The following BANP variants were observed in gnomAD, a reference collection of about 807,000 sequenced individuals.
BANP encodes BTG3 associated nuclear protein, also known as protein BANP.
A neutral mutation model predicts 68.1 loss-of-function variants in BANP; 11 were observed. That is an observed-to-expected ratio of 0.16 (90% CI 0.10 to 0.27). The LOEUF (loss-of-function observed/expected upper bound fraction) is 0.27. BANP is among the 10% of genes least tolerant of loss of function. The pLI is 1.00. For synonymous variants in BANP, 329 were observed against 303.2 expected (o/e 1.09, Z -0.88); for missense variants, 504 against 722.7 (o/e 0.70, Z 3.47).
In BANP at chr16:87,957,467, T is replaced by G. The variant is rs139840789; in HGVS notation, c.-69+5952T>G. Among the ~76,000 whole-genome samples, 760 of 152,242 alleles carry G rather than the reference T, an allele frequency of 5.0e-3. 2 individuals are homozygous for G. Among genetic ancestry groups the G allele is most frequent in the African/African-American group, 0.015 (607 of 41,536 alleles). On this transcript the variant is annotated intron_variant, in intron 1 of 13. Coordinates refer to ENST00000682872, the MANE Select transcript of BANP (RefSeq NM_001386991.1). This position sits in a 1 kb window ranked among gnomAD's most constrained non-coding sequence, Gnocchi z 4.3. ...CGGATCCTGTGTGGACCGGGTGGGC[T>G]GGTGTGGAGTCCTGTCAGGAGACCT...
At chr16:87,974,133 A>G (rs1349432929) in intron 1 of BANP, among the ~76,000 whole-genome samples, 2 of 152,246 alleles carry the variant, frequency 1.3e-5, no homozygotes, top group African/African-American at 4.8e-5. Flanking sequence ...TTATGTGTCA[A>G]TAATTAAAAT....
chr16:87,982,566 G>A (rs954639592), intron 3 of BANP: 1 of 152,270 alleles, frequency 6.6e-6, no homozygotes, highest in Non-Finnish European at 1.5e-5. Context: ...TAGGTAAGCT[G>A]ATTGAGTGTC....
rs2082534778 is a variant in BANP at position 88,048,593 on chromosome 16, T to G, written c.1311+10582T>G. ...CAGATTAAAGAAAGGGCATCGATTC[T>G]AACAGTGTTCTCGGTATTAAATCTG... On this transcript the variant is annotated intron_variant, in intron 11 of 13. Coordinates refer to ENST00000682872, the MANE Select transcript of BANP (RefSeq NM_001386991.1). 3.3e-5 allele frequency among the ~76,000 whole-genome samples: 5 copies of G among 152,102 alleles called. 1 individual carries two copies. Among genetic ancestry groups the G allele is most frequent in the Non-Finnish European group, 7.4e-5 (5 of 68,022 alleles).
chr16:88,058,210 T>A (rs2085656130), intron 11 of BANP, among the ~76,000 whole-genome samples: 1 of 152,150 alleles, frequency 6.6e-6, no homozygotes, highest in South Asian at 2.1e-4. Flanking sequence ...GAGAAGCTTT[T>A]GTTTTTTGAC....
chr16:87,980,962 T>C, intron 2 of BANP, 74 bp from the exon 3 acceptor site: 1 of 1,021,578 alleles, frequency 9.8e-7, no homozygotes, highest in Non-Finnish European at 1.5e-6. Context: ...CAGCACTGTT[T>C]ACTATCTTAA....
rs147825661 is a variant in BANP at position 87,958,283 on chromosome 16, T to C, written c.-69+6768T>C. Among the ~76,000 whole-genome samples, 505 of 152,232 alleles carry C rather than the reference T, an allele frequency of 3.3e-3. 1 individual carries two copies. Among genetic ancestry groups the C allele is most frequent in the African/African-American group, 0.012 (486 of 41,542 alleles). Reference sequence around the variant, plus strand: ...TGGGTCTGAACCCACATCAATTGAGTGGGCCATGGCCAGTGTTAAGAATAC... The same window carrying C: ...TGGGTCTGAACCCACATCAATTGAGCGGGCCATGGCCAGTGTTAAGAATAC... On this transcript the variant is annotated intron_variant, in intron 1 of 13. Coordinates refer to ENST00000682872, the MANE Select transcript of BANP (RefSeq NM_001386991.1).
chr16:87,976,192 A>G (rs547682480), intron 2 of BANP, among the ~76,000 whole-genome samples: 20 of 152,374 alleles, frequency 1.3e-4, no homozygotes, highest in African/African-American at 4.8e-4. Flanking sequence ...ATAAGTTCCT[A>G]GAAGTAGAAT....
intron 11 of BANP, among the ~76,000 whole-genome samples, chr16:88,038,247 C>A (rs113007783): frequency 0.14 from 20,974 of 152,052 alleles, 1,671 homozygotes; most frequent in South Asian, 0.37. Context: ...TGCCACAGTC[C>A]CCCTCTCACA....
chr16:88,027,116 G>A (rs1360761516), intron 7 of BANP, among the ~76,000 whole-genome samples: 3 of 152,262 alleles, frequency 2.0e-5, no homozygotes, highest in Non-Finnish European at 2.9e-5. Context: ...AGGACCTTGG[G>A]TGCTGCTGTG....
intron 2 of BANP, among the ~76,000 whole-genome samples, chr16:87,979,944 C>G (rs2062938715): frequency 6.6e-6 from 1 of 152,108 alleles, no homozygotes; most frequent in African/African-American, 2.4e-5. Context: ...AAAACAAAAA[C>G]AAAAACCAAA....
At chr16:88,011,806 C>T (rs1052586479) in intron 6 of BANP, among the ~76,000 whole-genome samples, 3 of 152,134 alleles carry the variant, frequency 2.0e-5, no homozygotes, top group Admixed American at 6.5e-5. Flanking sequence ...AGGGTACCCC[C>T]CCTCTTCCTC....
intron 4 of BANP, among the ~76,000 whole-genome samples, chr16:87,985,091 G>A (rs2064074029): frequency 6.6e-6 from 1 of 152,186 alleles, no homozygotes; most frequent in African/African-American, 2.4e-5. Flanking sequence ...AAGCCTGGAG[G>A]GACTGTTGTG....
At chr16:88,032,627 TA>T (rs1352437768) in intron 8 of BANP, among the ~76,000 whole-genome samples, 1 of 152,256 alleles carries the variant, frequency 6.6e-6, no homozygotes, top group Admixed American at 6.5e-5. Flanking sequence ...TTAAGAAAAT[TA>T]TGATTGAGAC....
intron 11 of BANP, among the ~76,000 whole-genome samples, chr16:88,062,639 A>G (rs1487773014): frequency 6.6e-6 from 1 of 152,194 alleles, no homozygotes; most frequent in Non-Finnish European, 1.5e-5. Flanking sequence ...GTTCAGCCGC[A>G]GGCCAGTGTC....
chr16:87,952,597 C>T (rs1460633985), intron 1 of BANP: 1 of 152,174 alleles, frequency 6.6e-6, no homozygotes. Context: ...TCTGAGTAAG[C>T]TCAGGAAACG....
intron 6 of BANP, 32 bp downstream of exon 6, chr16:88,006,297 C>T (rs779973858): frequency 1.7e-5 from 27 of 1,554,044 alleles, no homozygotes; most frequent in Admixed American, 5.8e-5. Context: ...TCGGCCAGAG[C>T]GCCAGTACAA....
intron 11 of BANP, among the ~76,000 whole-genome samples, chr16:88,046,078 G>C (rs184153047): frequency 6.6e-6 from 1 of 152,360 alleles, no homozygotes; most frequent in African/African-American, 2.4e-5. Flanking sequence ...CTGGTGCCCA[G>C]GTGGTGAGTA....
chr16:87,998,252 G>A (rs900755422), intron 4 of BANP, among the ~76,000 whole-genome samples: 1 of 152,182 alleles, frequency 6.6e-6, no homozygotes, highest in Non-Finnish European at 1.5e-5. Context: ...GCATAGTAAG[G>A]ACGTGGCAAA....
chr16:87,979,945 A>G (rs958476807), intron 2 of BANP, among the ~76,000 whole-genome samples: 2 of 152,166 alleles, frequency 1.3e-5, no homozygotes, highest in East Asian at 1.9e-4. Flanking sequence ...AAACAAAAAC[A>G]AAAACCAAAC....
Sources: allele counts gnomAD v4.1 joint callset (sites outside exome capture counted in the v4.1 genomes callset), GRCh38; gene constraint gnomAD v4.1.1; non-coding constraint Gnocchi (gnomAD v3.1); transcripts MANE v1.5; gene names NCBI Gene and HGNC (gene_info 2026-07-23, HGNC 2026-07-21).